Variants in SEMA3A observed in about 807,000 individuals in gnomAD.
The protein encoded by SEMA3A is semaphorin-3A.
SEMA3A carries 29 observed loss-of-function variants against 97.9 expected under a neutral mutation model. That is an observed-to-expected ratio of 0.30 (90% CI 0.22 to 0.40). SEMA3A has a LOEUF of 0.40. SEMA3A is among the 10% of genes least tolerant of loss of function. The probability of loss-of-function intolerance (pLI) is 1.00; values close to 1 mark genes in which losing one functional copy is unlikely to be tolerated. For missense variants in SEMA3A, 763 were observed against 951.3 expected (o/e 0.80, Z 2.60); for synonymous variants, 321 against 323.7 (o/e 0.99, Z 0.09).
chr7:84,261,089 C>T (rs1411781812), intron 3 of SEMA3A, among the ~76,000 whole-genome samples: 1 of 152,158 alleles, frequency 6.6e-6, no homozygotes, highest in Non-Finnish European at 1.5e-5. Flanking sequence ...AGGAGATACC[C>T]AATCTGGGTC....
At chr7:84,387,243 T>G (rs953233418) in intron 1 of SEMA3A, among the ~76,000 whole-genome samples, 6 of 152,118 alleles carry the variant, frequency 3.9e-5, no homozygotes, top group Non-Finnish European at 7.4e-5. Context: ...TAGTAGAACC[T>G]TGCCAGAGAA....
At chr7:83,989,395 C>A (rs891147912) in intron 12 of SEMA3A, among the ~76,000 whole-genome samples, 1 of 151,050 alleles carries the variant, frequency 6.6e-6, no homozygotes, top group Non-Finnish European at 1.5e-5. Context: ...TATACATGTG[C>A]CATGCTGGTG....
chr7:84,311,246 G>C (rs913903616), intron 2 of SEMA3A, among the ~76,000 whole-genome samples: 3 of 151,806 alleles, frequency 2.0e-5, no homozygotes, highest in Non-Finnish European at 2.9e-5. Context: ...TTTTTTAGTT[G>C]CTTCCATATC....
At chr7:84,184,776 A>G (rs1241219993) in intron 1 of SEMA3A, among the ~76,000 whole-genome samples, 1 of 152,200 alleles carries the variant, frequency 6.6e-6, no homozygotes, top group Non-Finnish European at 1.5e-5. Flanking sequence ...TTTAGAGGCA[A>G]GACAAGTACT....
At chr7:84,137,412 A>G (rs1187575868) in intron 1 of SEMA3A, among the ~76,000 whole-genome samples, 4 of 151,474 alleles carry the variant, frequency 2.6e-5, no homozygotes, top group Non-Finnish European at 5.9e-5. Context: ...AAAAAAAAAA[A>G]AAAAAGAAAT....
intron 1 of SEMA3A, among the ~76,000 whole-genome samples, chr7:84,399,381 G>A (rs1007122144): frequency 1.7e-4 from 26 of 152,174 alleles, no homozygotes; most frequent in Non-Finnish European, 2.5e-4. Flanking sequence ...GTCCTTGAAT[G>A]AGCCCTGGTG....
intron 5 of SEMA3A, among the ~76,000 whole-genome samples, chr7:84,057,437 T>TA (rs1215359918): frequency 2.0e-5 from 3 of 151,930 alleles, no homozygotes; most frequent in East Asian, 1.9e-4. Context: ...AACAAATTCA[T>TA]AAAAAAAATT....
At chr7:84,276,566 A>G (rs1208994904) in intron 3 of SEMA3A, among the ~76,000 whole-genome samples, 1 of 152,144 alleles carries the variant, frequency 6.6e-6, no homozygotes, top group African/African-American at 2.4e-5. Context: ...ATAAGATGGT[A>G]CAATTTTAAA....
At chr7:84,116,391 A>G (rs1301790276) in intron 3 of SEMA3A, among the ~76,000 whole-genome samples, 1 of 152,186 alleles carries the variant, frequency 6.6e-6, no homozygotes, top group Non-Finnish European at 1.5e-5. Context: ...GAGATTAAAA[A>G]GTAGAACATT....
intron 2 of SEMA3A, among the ~76,000 whole-genome samples, chr7:84,345,033 C>T (rs1250292230): frequency 6.6e-6 from 1 of 151,978 alleles, no homozygotes; most frequent in Non-Finnish European, 1.5e-5. Flanking sequence ...AGACACTATA[C>T]CAAAGAATAT....
chr7:83,987,085 C>T (rs1004445556), intron 12 of SEMA3A, among the ~76,000 whole-genome samples: 4 of 150,084 alleles, frequency 2.7e-5, no homozygotes, highest in South Asian at 2.1e-4. Context: ...TATTTATACA[C>T]ATCTTATCTA....
intron 12 of SEMA3A, among the ~76,000 whole-genome samples, chr7:83,999,204 T>C (rs889954456): frequency 2.0e-5 from 3 of 152,196 alleles, no homozygotes; most frequent in Non-Finnish European, 4.4e-5. Context: ...CGCATGACTA[T>C]ACTCGCAAGA....
At chr7:84,032,264 G>A (rs1791788933) in intron 6 of SEMA3A, among the ~76,000 whole-genome samples, 1 of 152,078 alleles carries the variant, frequency 6.6e-6, no homozygotes, top group South Asian at 2.1e-4. Flanking sequence ...AAAATAATGA[G>A]TTAGGGACCA....
At position 84,110,467 on chromosome 7, in the gene SEMA3A, T is replaced by TA; in HGVS notation, c.453+2dup. Reference sequence around the variant, plus strand: ...AATATAATTTTTAAAAAGCCAGCGTTACCTCAGGATGATGTCCAATTTCAA... The same window carrying TA: ...AATATAATTTTTAAAAAGCCAGCGTTAACCTCAGGATGATGTCCAATTTCAA... On this transcript the variant is annotated splice_region_variant and intron_variant, in intron 4 of 16. Transcript: ENST00000265362. The TA allele has an allele frequency of 1.2e-6, 2 of 1,613,694 alleles. No individual in the cohort carries two copies. Among genetic ancestry groups the TA allele is most frequent in the Non-Finnish European group, 1.7e-6 (2 of 1,179,764 alleles).
At chr7:84,349,632 A>C (rs1167311246) in intron 2 of SEMA3A, among the ~76,000 whole-genome samples, 1 of 152,174 alleles carries the variant, frequency 6.6e-6, no homozygotes, top group African/African-American at 2.4e-5. Context: ...GGAAAACATC[A>C]ATATAAAAGA....
At chr7:84,083,795 T>C (rs1292579110) in intron 4 of SEMA3A, among the ~76,000 whole-genome samples, 1 of 151,986 alleles carries the variant, frequency 6.6e-6, no homozygotes, top group Non-Finnish European at 1.5e-5. Context: ...ATAAAAACAC[T>C]AAAGTTCAGA....
intron 11 of SEMA3A, among the ~76,000 whole-genome samples, chr7:84,004,646 T>A (rs544760343): frequency 6.6e-6 from 1 of 152,302 alleles, no homozygotes; most frequent in Non-Finnish European, 1.5e-5. Flanking sequence ...GATGCAATTA[T>A]AAACACTGAT....
chr7:84,183,619 G>A (rs1797793450), intron 1 of SEMA3A, among the ~76,000 whole-genome samples: 1 of 152,032 alleles, frequency 6.6e-6, no homozygotes, highest in Non-Finnish European at 1.5e-5. Flanking sequence ...TATGAGCAGA[G>A]TATGACCTAT....
chr7:84,155,975 T>C (rs976526793), intron 1 of SEMA3A, among the ~76,000 whole-genome samples: 4 of 152,114 alleles, frequency 2.6e-5, no homozygotes, highest in African/African-American at 9.7e-5. Context: ...TGTCTCTAAA[T>C]ATTTTTCAAG....
Sources: allele counts gnomAD v4.1 joint callset (sites outside exome capture counted in the v4.1 genomes callset), GRCh38; gene constraint gnomAD v4.1.1; transcripts MANE v1.5; gene names NCBI Gene and HGNC (gene_info 2026-07-23, HGNC 2026-07-21).